EXOC6B: variants seen among roughly 807,000 people sequenced by gnomAD.
EXOC6B encodes exocyst complex component 6B, also known as SEC15 homolog B.
In EXOC6B, 54 loss-of-function variants were observed where a neutral mutation model predicts 113.5. That is an observed-to-expected ratio of 0.48 (90% confidence interval 0.38 to 0.60). The LOEUF is 0.60. Ranked by LOEUF, EXOC6B falls within the 20% of genes least tolerant of loss-of-function variation. The probability of loss-of-function intolerance (pLI) is 0.00; values close to 1 mark genes in which losing one functional copy is unlikely to be tolerated. For synonymous variants in EXOC6B, 357 were observed against 339.0 expected, an observed-to-expected ratio of 1.05 and a Z score of -0.58; for missense variants, 797 against 977.5, an observed-to-expected ratio of 0.82 and a Z score of 2.46.
chr2:72,231,375 C>G (rs1180368412), intron 20 of EXOC6B, among the ~76,000 whole-genome samples: 1 of 151,886 alleles, frequency 6.6e-6, no homozygotes, highest in Non-Finnish European at 1.5e-5. Flanking sequence ...TAAAATGGAA[C>G]AGTAAAGAAG....
At chr2:72,324,872 C>T (rs547162958) in intron 20 of EXOC6B, among the ~76,000 whole-genome samples, 18 of 152,126 alleles carry the variant, frequency 1.2e-4, no homozygotes, top group African/African-American at 3.4e-4. Flanking sequence ...TTCTTCATAC[C>T]TAAGGGGATT....
chr2:72,385,522 A>G (rs1394662841), intron 18 of EXOC6B, among the ~76,000 whole-genome samples: 1 of 152,070 alleles, frequency 6.6e-6, no homozygotes, highest in Non-Finnish European at 1.5e-5. Flanking sequence ...ACAGGATTAC[A>G]TCAAACTAAA....
chr2:72,235,950 T>C (rs1248126882), intron 20 of EXOC6B, among the ~76,000 whole-genome samples: 4 of 152,196 alleles, frequency 2.6e-5, no homozygotes, highest in Admixed American at 6.5e-5. Context: ...AAGGCTAAAA[T>C]AGCCATATAG....
At chr2:72,648,777 T>C (rs1182842679) in intron 6 of EXOC6B, among the ~76,000 whole-genome samples, 3 of 151,028 alleles carry the variant, frequency 2.0e-5, no homozygotes, top group Non-Finnish European at 4.4e-5. Context: ...GAAGTCATTA[T>C]GTTAAATGAA....
At chr2:72,404,218 G>A (rs536389998) in intron 18 of EXOC6B, among the ~76,000 whole-genome samples, 18 of 152,330 alleles carry the variant, frequency 1.2e-4, no homozygotes, top group South Asian at 4.1e-4. Flanking sequence ...CAGGAAGCTC[G>A]AACTGGGTGG....
intron 20 of EXOC6B, among the ~76,000 whole-genome samples, chr2:72,223,058 T>C (rs1373833641): frequency 1.3e-5 from 2 of 152,208 alleles, no homozygotes; most frequent in Non-Finnish European, 2.9e-5. Context: ...CTCTGATCTA[T>C]ACCCCTGCCT....
At chr2:72,690,727 G>A (rs1352494837) in intron 6 of EXOC6B, among the ~76,000 whole-genome samples, 1 of 152,142 alleles carries the variant, frequency 6.6e-6, no homozygotes, top group East Asian at 1.9e-4. Flanking sequence ...TGGGGTACTT[G>A]GGGCTCATTT....
intron 20 of EXOC6B, among the ~76,000 whole-genome samples, chr2:72,275,941 A>G (rs1034395806): frequency 1.3e-5 from 2 of 152,194 alleles, no homozygotes; most frequent in Non-Finnish European, 2.9e-5. Context: ...GTAACAATTC[A>G]TATTTGTAAC....
chr2:72,412,119 T>A (rs931104690), intron 18 of EXOC6B, among the ~76,000 whole-genome samples: 5 of 151,792 alleles, frequency 3.3e-5, no homozygotes, highest in African/African-American at 1.2e-4. Flanking sequence ...TCTGAAGAAT[T>A]ATGAAGAATG....
chr2:72,473,081 T>C lies in EXOC6B; in HGVS notation c.1800+7535A>G, dbSNP rs887891856. ...TGAATTTCAAAAATTTGTTGAGATT[T>C]GTTTTGTGGCTTAATATATGGTCTA... On this transcript the variant is annotated intron_variant, in intron 17 of 21. Transcript: ENST00000272427. 7.1e-4 allele frequency among the ~76,000 whole-genome samples: 108 copies of C among 152,294 alleles called. 1 individual carries two copies. Among genetic ancestry groups the C allele is most frequent in the Admixed American group, 1.2e-3 (19 of 15,298 alleles).
intron 6 of EXOC6B, among the ~76,000 whole-genome samples, chr2:72,660,819 CTTT>C (rs201934111): frequency 6.9e-6 from 1 of 144,054 alleles, no homozygotes. Context: ...CTAAGTTTAC[CTTT>C]TTTTTTTTTT....
intron 20 of EXOC6B, among the ~76,000 whole-genome samples, chr2:72,292,331 A>C (rs1248669592): frequency 6.6e-6 from 1 of 152,092 alleles, no homozygotes; most frequent in Non-Finnish European, 1.5e-5. Flanking sequence ...CTTTTTTAAA[A>C]TATAATTTCT....
At chr2:72,275,614 C>T (rs919714337) in intron 20 of EXOC6B, among the ~76,000 whole-genome samples, 1 of 152,132 alleles carries the variant, frequency 6.6e-6, no homozygotes, top group African/African-American at 2.4e-5. Flanking sequence ...TAATCCTCAA[C>T]CCTCTTACAA....
At chr2:72,260,527 C>A (rs1683649922) in intron 20 of EXOC6B, among the ~76,000 whole-genome samples, 1 of 152,156 alleles carries the variant, frequency 6.6e-6, no homozygotes, top group African/African-American at 2.4e-5. Context: ...CCTTTTCCTG[C>A]CCCATGGCCA....
At chr2:72,645,104 A>G (rs1673598707) in intron 6 of EXOC6B, among the ~76,000 whole-genome samples, 1 of 152,160 alleles carries the variant, frequency 6.6e-6, no homozygotes, top group East Asian at 1.9e-4. Context: ...TTACCAAGCA[A>G]ATGGAAAGCA....
At chr2:72,621,030 G>A (rs1264868807) in intron 6 of EXOC6B, among the ~76,000 whole-genome samples, 1 of 152,158 alleles carries the variant, frequency 6.6e-6, no homozygotes, top group Non-Finnish European at 1.5e-5. Flanking sequence ...ATGGAGAAAA[G>A]GGAACGCTTA....
At chr2:72,373,125 C>T (rs937862254) in intron 19 of EXOC6B, among the ~76,000 whole-genome samples, 13 of 145,336 alleles carry the variant, frequency 8.9e-5, no homozygotes, top group African/African-American at 2.8e-4. Flanking sequence ...AGTGCAATGG[C>T]GCACGCAGTC....
At chr2:72,335,592 A>G (rs1006537157) in intron 19 of EXOC6B, among the ~76,000 whole-genome samples, 3 of 129,070 alleles carry the variant, frequency 2.3e-5, no homozygotes, top group Non-Finnish European at 5.0e-5. Context: ...ACACACACAC[A>G]CACGCATCCC....
intron 17 of EXOC6B, among the ~76,000 whole-genome samples, chr2:72,480,304 C>T (rs1699001840): frequency 6.6e-6 from 1 of 151,908 alleles, no homozygotes. Context: ...TTATCTAGAC[C>T]ATACTTAAGA....
Sources: allele counts gnomAD v4.1 joint callset (sites outside exome capture counted in the v4.1 genomes callset), GRCh38; gene constraint gnomAD v4.1.1; transcripts MANE v1.5; gene names NCBI Gene and HGNC (gene_info 2026-07-23, HGNC 2026-07-21).